LZTFL1: variants seen among roughly 807,000 people sequenced by gnomAD.
The protein encoded by LZTFL1 is leucine zipper transcription factor like 1, also known as leucine zipper transcription factor-like protein 1.
In LZTFL1, 25 loss-of-function variants were observed where a neutral mutation model predicts 45.9. The observed-to-expected ratio is 0.54, with a 90% confidence interval of 0.40 to 0.76. The LOEUF (loss-of-function observed/expected upper bound fraction) is 0.76. Among genes scored for constraint, LZTFL1 ranks in the 30% least tolerant of loss-of-function variants. The pLI, the probability that LZTFL1 is intolerant of heterozygous loss-of-function variation, is 0.00. For synonymous variants in LZTFL1, 93 were observed against 117.4 expected (o/e 0.79, Z 1.35); for missense variants, 277 against 331.1 (o/e 0.84, Z 1.27).
chr3:45,877,513 C>T (rs961112492), intron 2 of LZTFL1, among the ~76,000 whole-genome samples: 9 of 152,160 alleles, frequency 5.9e-5, no homozygotes, highest in East Asian at 1.9e-4. Flanking sequence ...GGTTTACAGG[C>T]GTAAACCACT....
At chr3:45,827,523 G>A in intron 8 of LZTFL1, 64 bp from the exon 9 acceptor site, 3 of 977,528 alleles carry the variant, frequency 3.1e-6, no homozygotes, top group South Asian at 1.4e-5. Flanking sequence ...TAACAAATGC[G>A]ATAAAAATAT....
At chr3:45,914,702 C>G (rs1260153915) in intron 1 of LZTFL1, among the ~76,000 whole-genome samples, 1 of 152,114 alleles carries the variant, frequency 6.6e-6, no homozygotes, top group Non-Finnish European at 1.5e-5. Flanking sequence ...AAAACTGAGC[C>G]CTGGGTGAGT....
chr3:45,879,743 T>A (rs1701817848), intron 2 of LZTFL1, among the ~76,000 whole-genome samples: 1 of 152,226 alleles, frequency 6.6e-6, no homozygotes, highest in South Asian at 2.1e-4. Flanking sequence ...AGGTGGCACA[T>A]GTGCTGCGGG....
At chr3:45,915,712 T>C (rs569826295), upstream of LZTFL1, 138 of 312,478 alleles carry the variant, frequency 4.4e-4, 3 homozygotes, top group South Asian at 3.6e-3. Flanking sequence ...AGTGCCAGCA[T>C]GGTGGGAGGT....
intron 4 of LZTFL1, chr3:45,854,278 A>T (rs1456176475): frequency 6.6e-6 from 1 of 152,670 alleles, no homozygotes; most frequent in Non-Finnish European, 1.5e-5. Flanking sequence ...TCAAATCTGC[A>T]TCTCTGGCCA....
In LZTFL1 at chr3:45,842,010, C is replaced by G. The variant is rs183106364; in HGVS notation, c.-19G>C. 1 of 1,608,760 alleles carries G rather than the reference C, an allele frequency of 6.2e-7. No individual in the cohort carries two copies. Among genetic ancestry groups the G allele is most frequent in the South Asian group, 1.1e-5 (1 of 90,728 alleles). ...TCACCATGGCGGCAGGCAGCGGCGG[C>G]AGCCTAAAGGAACGGGAGAGGCCAG... On this transcript the variant is annotated 5_prime_UTR_variant, in exon 1 of 10. Transcript: ENST00000296135.
At chr3:45,912,167 T>C (rs1178445558) in intron 2 of LZTFL1, among the ~76,000 whole-genome samples, 1 of 152,236 alleles carries the variant, frequency 6.6e-6, no homozygotes, top group Non-Finnish European at 1.5e-5. Context: ...TTTTTTGCTA[T>C]CACAGACATT....
chr3:45,861,296 T>G (rs1701487142), intron 2 of LZTFL1, among the ~76,000 whole-genome samples: 3 of 151,778 alleles, frequency 2.0e-5, no homozygotes, highest in Admixed American at 6.6e-5. Flanking sequence ...TTTTTAATGT[T>G]GAAAGAGAAG....
At chr3:45,894,077 C>T (rs1702273115) in intron 2 of LZTFL1, among the ~76,000 whole-genome samples, 1 of 152,128 alleles carries the variant, frequency 6.6e-6, no homozygotes, top group Non-Finnish European at 1.5e-5. Flanking sequence ...AAAGGAAATG[C>T]CCCAGCTCAG....
chr3:45,894,863 G>A (rs1382742707), intron 2 of LZTFL1: 16 of 1,451,096 alleles, frequency 1.1e-5, no homozygotes, highest in South Asian at 3.4e-5. Flanking sequence ...GTTACTATTC[G>A]TTTACAAGCC....
intron 2 of LZTFL1, among the ~76,000 whole-genome samples, chr3:45,891,088 G>T (rs1365262983): frequency 6.6e-6 from 1 of 152,186 alleles, no homozygotes; most frequent in African/African-American, 2.4e-5. Context: ...GCAAACACGT[G>T]TGTTACTTTT....
At chr3:45,885,056 T>C (rs1701944403) in intron 2 of LZTFL1, among the ~76,000 whole-genome samples, 1 of 152,198 alleles carries the variant, frequency 6.6e-6, no homozygotes, top group South Asian at 2.1e-4. Context: ...GCCCTCTACC[T>C]TTCAGATGAC....
At chr3:45,872,413 G>A (rs1701684363) in intron 2 of LZTFL1, among the ~76,000 whole-genome samples, 1 of 152,180 alleles carries the variant, frequency 6.6e-6, no homozygotes, top group African/African-American at 2.4e-5. Flanking sequence ...GGTAGGTTGT[G>A]TTTCCACTCT....
At position 45,900,929 on chromosome 3, in the gene LZTFL1, GA is replaced by G. The variant is rs1264470122; in HGVS notation, c.-215+12190del. 2.5e-6 allele frequency: 4 copies of G among 1,614,064 alleles called. No individual in the cohort carries two copies. The Admixed American group carries it at 6.7e-5, about 27-fold the overall frequency. On this transcript the variant is annotated intron_variant, in intron 2 of 4. Coordinates refer to the LZTFL1 transcript ENST00000472635. The surrounding 1 kb of genome is among the most constrained non-coding windows in gnomAD (Gnocchi z 4.7). ...AGAAAAACAATGTCAGGCAGTTTGC[GA>G]GCCATTTCCTCCCACCCTTGTACTG... is the stretch of plus-strand genomic sequence containing the variant.
In LZTFL1 at chr3:45,881,995, A is replaced by T. The variant is rs1230190273; in HGVS notation, c.-214-22979T>A. ...CCAATTAAATAACGATTTTAAAAAG[A>T]TCACACTAACCACAGTGTCATGTTC... On this transcript the variant is annotated intron_variant, in intron 2 of 4. Coordinates refer to the LZTFL1 transcript ENST00000472635. 2.0e-5 allele frequency among the ~76,000 whole-genome samples: 3 copies of T among 152,280 alleles called. No individual in the cohort carries two copies. The East Asian group carries it at 5.8e-4, about 29-fold the overall frequency.
chr3:45,882,797 CTATTATTATTAT>C lies in LZTFL1; in HGVS notation c.-214-23793_-214-23782del, dbSNP rs10575190. On this transcript the variant is annotated intron_variant, in intron 2 of 4. Coordinates refer to the LZTFL1 transcript ENST00000472635. ...CTTGGTCCATAACCCAAAGGGGATA[CTATTATTATTAT>C]TATTATTATTATTATTATTATTATT... is the stretch of plus-strand genomic sequence containing the variant. 9.2e-3 allele frequency among the ~76,000 whole-genome samples: 1,332 copies of C among 145,446 alleles called. 38 individuals are homozygous for C. Among genetic ancestry groups the C allele is most frequent in the Admixed American group, 0.046 (667 of 14,592 alleles).
At position 45,901,305 on chromosome 3, in the gene LZTFL1, T is replaced by C. The variant is rs1166366268; in HGVS notation, c.-215+11815A>G. 17 of 1,614,084 alleles carry C rather than the reference T, an allele frequency of 1.1e-5. No individual in the cohort carries two copies. The highest frequency in any genetic ancestry group is 1.4e-5 in the Non-Finnish European group (17 of 1,180,044). The stretch of plus-strand genomic sequence containing the variant: ...CAGCAAAATGGTTTGCTTTACCATC[T>C]GGGTATTGGCAGCTGCTCTCTGCAT... On this transcript the variant is annotated intron_variant, in intron 2 of 4. Transcript: ENST00000472635. The surrounding 1 kb of genome is among the most constrained non-coding windows in gnomAD (Gnocchi z 4.3).
At chr3:45,828,191 A>G (rs553637891) in intron 8 of LZTFL1, among the ~76,000 whole-genome samples, 17 of 152,352 alleles carry the variant, frequency 1.1e-4, no homozygotes, top group African/African-American at 4.1e-4. Context: ...AGCCACCTAC[A>G]GAGGAGCATT....
At chr3:45,888,934 T>A (rs908212373) in intron 2 of LZTFL1, among the ~76,000 whole-genome samples, 8 of 152,238 alleles carry the variant, frequency 5.3e-5, no homozygotes, top group Admixed American at 3.3e-4. Flanking sequence ...TTTTATAAAC[T>A]GTAATATATT....
Sources: gnomAD v4.1 joint callset for allele counts (sites outside exome capture counted in the v4.1 genomes callset) on GRCh38, gnomAD v4.1.1 for gene constraint, Gnocchi (gnomAD v3.1) non-coding constraint, MANE v1.5 for transcripts, NCBI Gene and HGNC (gene_info 2026-07-23, HGNC 2026-07-21) for gene names.